SLC13A1: variants seen among roughly 807,000 people sequenced by gnomAD.
SLC13A1 encodes Na(+)/sulfate cotransporter.
In SLC13A1, 65 loss-of-function variants were observed where a neutral mutation model predicts 70.0. That is an observed-to-expected ratio of 0.93 (90% CI 0.76 to 1.14). The LOEUF is 1.14. SLC13A1 is among the 50% of genes most tolerant of loss of function. SLC13A1 has a pLI of 0.00. For missense variants in SLC13A1, 726 were observed against 717.8 expected (o/e 1.01, Z -0.13); for synonymous variants, 275 against 250.5 (o/e 1.10, Z -0.92).
intron 2 of SLC13A1, among the ~76,000 whole-genome samples, chr7:123,177,304 A>G (rs552781852): frequency 4.6e-5 from 7 of 152,244 alleles, no homozygotes; most frequent in Non-Finnish European, 8.8e-5. Context: ...TACATTCAAT[A>G]TCTCTACTAC....
At chr7:123,115,839 T>C (rs991058884) in intron 14 of SLC13A1, among the ~76,000 whole-genome samples, 184 bp from the exon 15 acceptor site, 14 of 152,216 alleles carry the variant, frequency 9.2e-5, no homozygotes, top group African/African-American at 3.1e-4. Flanking sequence ...TTGTTACATA[T>C]GTATACATGG....
rs139762856 is a variant in SLC13A1, at chr7:123,127,561, T to A, written c.1133+1284A>T. Reference sequence around the variant, plus strand: ...ATTAATTAAATATTACATAATAACTTGATTTAAATAACTGAATGTCTAAAC... The same window carrying A: ...ATTAATTAAATATTACATAATAACTAGATTTAAATAACTGAATGTCTAAAC... On this transcript the variant is annotated intron_variant, in intron 10 of 14. Transcript: ENST00000194130. Among the ~76,000 whole-genome samples, 37 of 152,208 alleles carry A rather than the reference T, an allele frequency of 2.4e-4. 1 individual carries two copies. The East Asian group carries it at 6.6e-3, about 27-fold the overall frequency.
Position 123,197,010 on chromosome 7 carries a change from C to G in SLC13A1, c.99+2838G>C, listed in dbSNP as rs17145528. Among the ~76,000 whole-genome samples the G allele has an allele frequency of 9.2e-3, 1,398 of 152,186 alleles. 22 individuals are homozygous for G. Among genetic ancestry groups the G allele is most frequent in the African/African-American group, 0.031 (1,297 of 41,548 alleles). ...AGAAGCACATTTGTACTTGTTTATT[C>G]GTTTGTGATGGAGGTTAAATAAGAT... On this transcript the variant is annotated intron_variant, in intron 1 of 14. Transcript: ENST00000194130.
intron 3 of SLC13A1, among the ~76,000 whole-genome samples, chr7:123,170,610 C>T (rs1247269530): frequency 2.1e-5 from 3 of 142,826 alleles, no homozygotes; most frequent in South Asian, 2.3e-4. Context: ...CAGATGACGT[C>T]GTTTTGGTTT....
chr7:123,126,528 C>A (rs964943023), intron 10 of SLC13A1, among the ~76,000 whole-genome samples: 7 of 152,048 alleles, frequency 4.6e-5, no homozygotes, highest in African/African-American at 1.4e-4. Flanking sequence ...GAAATATGTA[C>A]CATGCTAAAG....
chr7:123,168,853 A>G (rs922034239), intron 4 of SLC13A1, among the ~76,000 whole-genome samples: 1 of 152,220 alleles, frequency 6.6e-6, no homozygotes, highest in Non-Finnish European at 1.5e-5. Flanking sequence ...CCATTTCAGT[A>G]TAGGAAAGAG....
chr7:123,134,182 C>T (rs907489324), intron 8 of SLC13A1, among the ~76,000 whole-genome samples: 2 of 152,048 alleles, frequency 1.3e-5, no homozygotes, highest in Non-Finnish European at 2.9e-5. Context: ...CATGAGCCAC[C>T]GCAGCTGGCC....
At chr7:123,194,478 G>T (rs1410076991) in intron 1 of SLC13A1, among the ~76,000 whole-genome samples, 1 of 152,080 alleles carries the variant, frequency 6.6e-6, no homozygotes, top group East Asian at 1.9e-4. Flanking sequence ...CTTTTGTTTA[G>T]ATATTTTTCC....
chr7:123,193,744 A>T (rs1796076204), intron 1 of SLC13A1, among the ~76,000 whole-genome samples: 1 of 152,228 alleles, frequency 6.6e-6, no homozygotes, highest in East Asian at 1.9e-4. Context: ...TTGGGATGAT[A>T]TTGACTATTT....
In SLC13A1 at chr7:123,199,863, G is replaced by A. The variant is rs1242682280; in HGVS notation, c.84C>T (p.Ile28=). 10 of 1,611,814 alleles carry A rather than the reference G, an allele frequency of 6.2e-6. No individual in the cohort carries two copies. The highest frequency in any genetic ancestry group is 6.8e-6 in the Non-Finnish European group (8 of 1,178,396). Residue 28 remains isoleucine (I), a synonymous_variant, in exon 1 of 15, where the codon ATC becomes ATT. Transcript: ENST00000194130. The part of the protein sequence containing the change: ...FTVLVLLPLP[I]VLHTKEAECA... ...GTTCACTCACCTTGGTGTGGAGGAC[G>A]ATGGGCAGAGGTAGTAAAACCAACA...
chr7:123,160,418 A>G (rs140871006), intron 6 of SLC13A1, among the ~76,000 whole-genome samples: 6 of 152,296 alleles, frequency 3.9e-5, no homozygotes, highest in African/African-American at 1.4e-4. Context: ...AAATGGGTTC[A>G]GAATAACATA....
intron 8 of SLC13A1, 96 bp from the exon 9 acceptor site, chr7:123,129,577 AT>A: frequency 1.2e-6 from 1 of 830,460 alleles, no homozygotes; most frequent in East Asian, 2.5e-5. Context: ...TCTTCACGCA[AT>A]ATGAATCTCC....
At chr7:123,176,768 A>G (rs1452642802) in intron 2 of SLC13A1, among the ~76,000 whole-genome samples, 2 of 152,130 alleles carry the variant, frequency 1.3e-5, no homozygotes, top group African/African-American at 4.8e-5. Flanking sequence ...TTGGATTCCA[A>G]GATCCCACAC....
At chr7:123,168,633 C>T (rs927365460) in intron 4 of SLC13A1, 72 bp from the exon 5 acceptor site, 55 of 1,082,812 alleles carry the variant, frequency 5.1e-5, no homozygotes, top group African/African-American at 2.2e-4. Context: ...TGTGTGGATG[C>T]GAAGATGGAA....
At chr7:123,146,550 G>A (rs967473009) in intron 7 of SLC13A1, among the ~76,000 whole-genome samples, 3 of 152,122 alleles carry the variant, frequency 2.0e-5, no homozygotes, top group South Asian at 2.1e-4. Flanking sequence ...AATTCACAAT[G>A]TAAGTACCTG....
intron 1 of SLC13A1, among the ~76,000 whole-genome samples, chr7:123,198,651 T>C (rs1004495761): frequency 1.3e-5 from 2 of 152,102 alleles, no homozygotes; most frequent in African/African-American, 2.4e-5. Context: ...TTAGCTCACA[T>C]GAATTCCCTT....
intron 8 of SLC13A1, among the ~76,000 whole-genome samples, chr7:123,133,995 G>A (rs1401477247): frequency 6.6e-6 from 1 of 152,018 alleles, no homozygotes; most frequent in African/African-American, 2.4e-5. Flanking sequence ...ACACCACCAT[G>A]CCTGGATGGT....
chr7:123,125,380 C>T (rs28364212), intron 11 of SLC13A1, among the ~76,000 whole-genome samples, 189 bp downstream of exon 11: 2 of 152,088 alleles, frequency 1.3e-5, no homozygotes, highest in African/African-American at 2.4e-5. Context: ...CAAAGTAAGA[C>T]GATCTCTCTT....
intron 7 of SLC13A1, among the ~76,000 whole-genome samples, chr7:123,141,755 T>A (rs201641900): frequency 0.069 from 10,508 of 152,206 alleles, 428 homozygotes; most frequent in Middle Eastern, 0.18. Context: ...CTCCTGCTCC[T>A]TTTTGGTTTC....
Sources: allele counts gnomAD v4.1 joint callset (sites outside exome capture counted in the v4.1 genomes callset), GRCh38; gene constraint gnomAD v4.1.1; transcripts MANE v1.5; gene names NCBI Gene and HGNC (gene_info 2026-07-23, HGNC 2026-07-21).